The following SLC13A1 variants were observed in gnomAD, a reference collection of about 807,000 sequenced individuals.
SLC13A1 encodes the protein solute carrier family 13 member 1.
SLC13A1 carries 65 observed loss-of-function variants against 70.0 expected under a neutral mutation model. The observed-to-expected ratio is 0.93, with a 90% CI of 0.76 to 1.14. The LOEUF (loss-of-function observed/expected upper bound fraction) is 1.14, where lower values mean the gene tolerates loss of function less well. SLC13A1 is among the 50% of genes most tolerant of loss of function. The probability of loss-of-function intolerance (pLI) is 0.00; values close to 1 mark genes in which losing one functional copy is unlikely to be tolerated. For missense variants in SLC13A1, 726 were observed against 717.8 expected (o/e 1.01, Z -0.13); for synonymous variants, 275 against 250.5 (o/e 1.10, Z -0.92).
chr7:123,178,041 A>C (rs1292690479), intron 2 of SLC13A1, among the ~76,000 whole-genome samples: 3 of 128,560 alleles, frequency 2.3e-5, no homozygotes, highest in African/African-American at 8.3e-5. Flanking sequence ...CTCTATATAT[A>C]TATATATATC....
intron 3 of SLC13A1, among the ~76,000 whole-genome samples, chr7:123,171,471 T>A (rs1333561859): frequency 6.6e-6 from 1 of 152,200 alleles, no homozygotes; most frequent in Non-Finnish European, 1.5e-5. Flanking sequence ...ATCAATCTTG[T>A]CTGTTGAGGT....
At chr7:123,179,220 A>G (rs1387966480) in intron 2 of SLC13A1, among the ~76,000 whole-genome samples, 1 of 152,208 alleles carries the variant, frequency 6.6e-6, no homozygotes, top group Non-Finnish European at 1.5e-5. Flanking sequence ...CATGTTAGAA[A>G]TAAGTTTAAT....
intron 7 of SLC13A1, among the ~76,000 whole-genome samples, chr7:123,140,035 A>C (rs1195272132): frequency 2.0e-5 from 3 of 152,010 alleles, no homozygotes; most frequent in Non-Finnish European, 4.4e-5. Context: ...ATTCAGTATA[A>C]TACTAGCTGT....
chr7:123,125,781 T>C, intron 10 of SLC13A1, 106 bp from the exon 11 acceptor site: 1 of 739,574 alleles, frequency 1.4e-6, no homozygotes, highest in African/African-American at 1.8e-5. Context: ...TTATCAGTAG[T>C]AGGTGGTGTA....
At chr7:123,115,955 T>C (rs1793167631) in intron 14 of SLC13A1, among the ~76,000 whole-genome samples, 1 of 152,112 alleles carries the variant, frequency 6.6e-6, no homozygotes, top group Non-Finnish European at 1.5e-5. Flanking sequence ...CATCGTTGAG[T>C]TGGAGATTCT....
intron 12 of SLC13A1, among the ~76,000 whole-genome samples, chr7:123,120,185 G>A (rs1040697296): frequency 1.3e-5 from 2 of 151,854 alleles, no homozygotes; most frequent in East Asian, 1.9e-4. Context: ...ATATTATGAC[G>A]TTCCTTCTCC....
At chr7:123,187,153 G>A (rs1238942326) in intron 1 of SLC13A1, among the ~76,000 whole-genome samples, 3 of 152,044 alleles carry the variant, frequency 2.0e-5, no homozygotes, top group Admixed American at 1.3e-4. Context: ...CATAGGCAAT[G>A]TCATGTCGCT....
intron 2 of SLC13A1, among the ~76,000 whole-genome samples, chr7:123,175,107 G>T (rs1249193690): frequency 2.0e-5 from 3 of 151,906 alleles, no homozygotes; most frequent in Non-Finnish European, 2.9e-5. Flanking sequence ...CTTAGCACAT[G>T]CCTGGCACAA....
chr7:123,126,006 ATTAT>A (rs1376789474), intron 10 of SLC13A1, among the ~76,000 whole-genome samples: 1 of 152,172 alleles, frequency 6.6e-6, no homozygotes, highest in East Asian at 1.9e-4. Flanking sequence ...TCTTCTTTGA[ATTAT>A]TTAATTTAAT....
At chr7:123,127,751 T>G (rs12538634) in intron 10 of SLC13A1, among the ~76,000 whole-genome samples, 43,980 of 151,364 alleles carry the variant, frequency 0.29, 6,453 homozygotes, top group East Asian at 0.31. Flanking sequence ...ACCAGAAGGT[T>G]CTGATTCAGG....
intron 7 of SLC13A1, among the ~76,000 whole-genome samples, chr7:123,144,557 C>T (rs1336562719): frequency 6.6e-6 from 1 of 152,114 alleles, no homozygotes; most frequent in Non-Finnish European, 1.5e-5. Context: ...TAAAACACAA[C>T]CTCTGTTCAT....
chr7:123,174,654 A>G (rs944289176), intron 2 of SLC13A1, among the ~76,000 whole-genome samples: 6 of 152,034 alleles, frequency 3.9e-5, no homozygotes, highest in African/African-American at 1.2e-4. Context: ...TGATCACATA[A>G]TTGTCCTTCT....
rs985066575 is a variant in SLC13A1, at chr7:123,126,350, C to T, written c.1134-675G>A. On this transcript the variant is annotated intron_variant, in intron 10 of 14. Coordinates refer to ENST00000194130, the MANE Select transcript of SLC13A1 (RefSeq NM_022444.4). ...ATATAAATTAAGACTGATTCAGGAA[C>T]AGATGGGGTCTTAGAATCACCAGAC... Among the ~76,000 whole-genome samples the T allele has an allele frequency of 5.3e-5, 8 of 152,136 alleles. 1 individual carries two copies. The South Asian group carries it at 1.7e-3, about 31-fold the overall frequency.
chr7:123,140,335 T>C (rs143835733), intron 7 of SLC13A1, among the ~76,000 whole-genome samples: 1,661 of 152,120 alleles, frequency 0.011, 19 homozygotes, highest in Non-Finnish European at 0.017. Flanking sequence ...ATTCAGTTTG[T>C]TAGTATTTTG....
intron 11 of SLC13A1, among the ~76,000 whole-genome samples, 188 bp downstream of exon 11, chr7:123,125,381 G>A (rs1239341434): frequency 1.3e-5 from 2 of 152,236 alleles, no homozygotes; most frequent in South Asian, 2.1e-4. Context: ...AAAGTAAGAC[G>A]ATCTCTCTTG....
intron 6 of SLC13A1, among the ~76,000 whole-genome samples, chr7:123,151,366 ATGTGTG>A (rs558304741): frequency 2.1e-5 from 3 of 145,674 alleles, no homozygotes; most frequent in South Asian, 4.4e-4. Flanking sequence ...ATTTGAATAT[ATGTGTG>A]TGTGTGTGTG....
chr7:123,117,687 AT>A, intron 13 of SLC13A1, 79 bp from the exon 14 acceptor site: 1 of 841,368 alleles, frequency 1.2e-6, no homozygotes, highest in Non-Finnish European at 1.8e-6. Flanking sequence ...AAGTATTACA[AT>A]AAGCCTTCCC....
chr7:123,170,618 T>C (rs1032692577), intron 3 of SLC13A1, among the ~76,000 whole-genome samples: 1 of 126,820 alleles, frequency 7.9e-6, no homozygotes, highest in Admixed American at 7.3e-5. Flanking sequence ...GTCGTTTTGG[T>C]TTTTTTTGTT....
intron 7 of SLC13A1, 117 bp downstream of exon 7, chr7:123,147,042 A>G (rs1794377289): frequency 1.0e-6 from 1 of 1,003,574 alleles, no homozygotes. Context: ...CTGAAGGGAA[A>G]CAAGGGAGAG....
Sources: allele counts gnomAD v4.1 joint callset (sites outside exome capture counted in the v4.1 genomes callset), GRCh38; gene constraint gnomAD v4.1.1; transcripts MANE v1.5; gene names NCBI Gene and HGNC (gene_info 2026-07-23, HGNC 2026-07-21).